The following SLC45A4 variants were observed in gnomAD, a reference collection of about 807,000 sequenced individuals.
SLC45A4 encodes the protein polyamine-transporter SLC45A4.
In SLC45A4, 32 loss-of-function variants were observed where a neutral mutation model predicts 63.7. That is an observed-to-expected ratio of 0.50 (90% CI 0.38 to 0.67). SLC45A4 has a LOEUF of 0.67. SLC45A4 is among the 30% of genes least tolerant of loss of function. The probability of loss-of-function intolerance (pLI) is 0.00; values close to 1 mark genes in which losing one functional copy is unlikely to be tolerated. For missense variants in SLC45A4, 1,027 were observed against 1,157.7 expected (o/e 0.89, Z 1.64); for synonymous variants, 535 against 510.0 (o/e 1.05, Z -0.66).
chr8:141,217,864 G>A (rs372101884), intron 5 of SLC45A4, 147 bp downstream of exon 5: 38 of 1,007,250 alleles, frequency 3.8e-5, no homozygotes, highest in Non-Finnish European at 5.2e-5. Context: ...TGCCTGCCGC[G>A]GGTCCCTCAC....
chr8:141,292,455 G>C (rs1161916876), intron 1 of SLC45A4, among the ~76,000 whole-genome samples: 1 of 152,246 alleles, frequency 6.6e-6, no homozygotes, highest in African/African-American at 2.4e-5. Flanking sequence ...CCCCGCACGC[G>C]CCCAGGGCGG....
intron 2 of SLC45A4, among the ~76,000 whole-genome samples, chr8:141,252,993 A>G (rs36163007): frequency 0.049 from 3,964 of 81,586 alleles, 176 homozygotes; most frequent in Admixed American, 0.17. Flanking sequence ...GTGTTTTCAC[A>G]CCCACCTGTG....
chr8:141,286,311 AC>A (rs1170638060), intron 1 of SLC45A4, among the ~76,000 whole-genome samples: 1 of 151,994 alleles, frequency 6.6e-6, no homozygotes, highest in African/African-American at 2.4e-5. Flanking sequence ...AAAGGCCTCC[AC>A]CCTCACCACC....
chr8:141,229,519 G>T lies in SLC45A4; in HGVS notation c.242-7754C>A, dbSNP rs1007393226. 2.0e-5 allele frequency among the ~76,000 whole-genome samples: 3 copies of T among 152,146 alleles called. No individual in the cohort carries two copies. Among genetic ancestry groups the T allele is most frequent in the African/African-American group, 7.2e-5 (3 of 41,422 alleles). The stretch of plus-strand genomic sequence containing the variant: ...GTAGGGGCAGCTCCCCTGGTGTCCA[G>T]GCACTCCCTTGTCAAGGCCACAAGC... On this transcript the variant is annotated intron_variant, in intron 2 of 8. Coordinates refer to ENST00000517878, the MANE Select transcript of SLC45A4 (RefSeq NM_001286646.2). This position sits in a 1 kb window ranked among gnomAD's most constrained non-coding sequence, Gnocchi z 5.0.
intron 2 of SLC45A4, among the ~76,000 whole-genome samples, chr8:141,240,756 A>C (rs560710298): frequency 6.6e-6 from 1 of 152,308 alleles, no homozygotes; most frequent in South Asian, 2.1e-4. Context: ...ACAAATAAAT[A>C]AGTAAAATGA....
At position 141,258,620 on chromosome 8, in the gene SLC45A4, C is replaced by T. The variant is rs182017577; in HGVS notation, c.-400-3991G>A. On this transcript the variant is annotated intron_variant, in intron 1 of 8. Transcript: ENST00000517878. ...TTTTCAAAGACAGCATGGTGGTGCA[C>T]ACCTGTGATCCCAGCTACTCCAGAG... Among the ~76,000 whole-genome samples, 10 of 152,316 alleles carry T rather than the reference C, an allele frequency of 6.6e-5. No homozygotes were observed. In the East Asian group the frequency reaches 1.5e-3, roughly 23 times the overall value.
At chr8:141,223,268 T>C (rs1398267212) in intron 2 of SLC45A4, among the ~76,000 whole-genome samples, 2 of 152,214 alleles carry the variant, frequency 1.3e-5, no homozygotes, top group Non-Finnish European at 2.9e-5. Flanking sequence ...CAGAAAGGAC[T>C]GATGTTTCAG....
intron 1 of SLC45A4, among the ~76,000 whole-genome samples, chr8:141,274,620 C>T (rs1044021148): frequency 2.6e-5 from 4 of 151,374 alleles, no homozygotes; most frequent in Non-Finnish European, 5.9e-5. Context: ...TTTATTCCTA[C>T]TTTCTAAGAC....
In SLC45A4 at chr8:141,212,142, G is replaced by GGCCC; in HGVS notation, c.2301+54_2301+55insGGGC. Reference sequence around the variant, plus strand: ...CGCCCATGGCCTGGCCCCGCCGCCCGCCCGCCCGCCCACCCGCCCACTGGA... The same window carrying GGCCC: ...CGCCCATGGCCTGGCCCCGCCGCCCGGCCCCCCGCCCGCCCACCCGCCCACTGGA... On this transcript the variant is annotated intron_variant, in intron 8 of 8. Transcript: ENST00000517878. 7 of 491,698 alleles carry GGCCC rather than the reference G, an allele frequency of 1.4e-5. 2 individuals carry two copies. The highest frequency in any genetic ancestry group is 4.1e-4 in the Admixed American group (2 of 4,828). 30.5% of individuals were successfully genotyped at this position (491,698 alleles called of 1,614,324 possible).
chr8:141,221,765 C>A lies in SLC45A4; in HGVS notation c.242G>T (p.Gly81Val). ...ALVTPILLQIGLPEQYYSLTW... is the reference protein window; with the variant it reads ...ALVTPILLQIVLPEQYYSLTW... Reference sequence around the variant, plus strand: ...GAGGCTGTAGTACTGCTCCGGAAGGCCTGCAAGGGACACGAGGGCCGTCGC... The same window carrying A: ...GAGGCTGTAGTACTGCTCCGGAAGGACTGCAAGGGACACGAGGGCCGTCGC... The change falls in exon 3 of 9, where the codon GGC becomes GTC. Residue 81 changes from glycine to valine, a missense_variant and splice_region_variant. Coordinates refer to ENST00000517878, the MANE Select transcript of SLC45A4 (RefSeq NM_001286646.2). 6.2e-7 allele frequency: 1 copy of A among 1,612,010 alleles called. No homozygotes were observed. The highest frequency in any genetic ancestry group is 1.3e-5 in the African/African-American group (1 of 75,004).
Position 141,211,525 on chromosome 8 carries a change from G to A in SLC45A4, c.*47C>T. On this transcript the variant is annotated 3_prime_UTR_variant, in exon 9 of 9. Transcript: ENST00000517878. ...GCTGCCCAAGGACAGGGCTGCCCTG[G>A]GCACAATGTGTCCAACTCGCTGAGG... The A allele has an allele frequency of 6.2e-7, 1 of 1,612,796 alleles. No homozygotes were observed. The highest frequency in any genetic ancestry group is 8.5e-7 in the Non-Finnish European group (1 of 1,179,766).
intron 1 of SLC45A4, among the ~76,000 whole-genome samples, chr8:141,274,489 G>A (rs571207437): frequency 5.3e-4 from 74 of 140,028 alleles, no homozygotes; most frequent in Non-Finnish European, 9.6e-4. Flanking sequence ...AGCCGCGATC[G>A]CACCATTGCA....
rs749997954 is a variant in SLC45A4 at position 141,218,642 on chromosome 8, G to A, written c.998C>T (p.Ser333Phe). ...ELLFLHDIEP[S>F]IFHDASYPAT... ...GGGGTAGGAGGCGTCGTGGAAGATG[G>A]AGGGCTCGATGTCGTGCAGGAACAG... Residue 333 changes from serine (S) to phenylalanine (F), a missense_variant, in exon 5 of 9, where the codon TCC becomes TTC. Coordinates refer to ENST00000517878, the MANE Select transcript of SLC45A4 (RefSeq NM_001286646.2). 1.9e-6 allele frequency: 3 copies of A among 1,613,424 alleles called. No homozygotes were observed. In the South Asian group the frequency reaches 3.3e-5, roughly 18 times the overall value.
intron 2 of SLC45A4, among the ~76,000 whole-genome samples, chr8:141,242,439 G>C (rs1254574888): frequency 6.6e-6 from 1 of 152,182 alleles, no homozygotes; most frequent in African/African-American, 2.4e-5. Flanking sequence ...TTCCCACAGA[G>C]GATGTTTAGA....
rs747861675 is a variant in SLC45A4, at chr8:141,219,077, AG to A, written c.611-49del. 5.7e-5 allele frequency: 90 copies of A among 1,572,704 alleles called. 1 individual carries two copies. The highest frequency in any genetic ancestry group is 1.6e-4 in the East Asian group (7 of 44,446). ...CGGTGAGCCGGTGGCACCAGGCCAC[AG>A]GGGGGGAAGCTCTGGGAGGGCCTCT... is the stretch of plus-strand genomic sequence containing the variant. On this transcript the variant is annotated intron_variant, in intron 4 of 8. Transcript: ENST00000517878.
chr8:141,250,846 T>C (rs775562380), intron 2 of SLC45A4, among the ~76,000 whole-genome samples: 35 of 152,224 alleles, frequency 2.3e-4, no homozygotes, highest in Non-Finnish European at 1.5e-4. Context: ...CCTCCTAAAT[T>C]ATCTAAAATC....
rs1035964637 is a variant in SLC45A4, at chr8:141,254,429, C to T, written c.-200G>A. The stretch of plus-strand genomic sequence containing the variant: ...GTATGAGACATGCAGCAACACAGAA[C>T]GATTTTTGGTTGGATTTTAAACATA... On this transcript the variant is annotated 5_prime_UTR_variant, in exon 2 of 9. Transcript: ENST00000517878. This position sits in a 1 kb window ranked among gnomAD's most constrained non-coding sequence, Gnocchi z 4.5. 10 of 670,216 alleles carry T rather than the reference C, an allele frequency of 1.5e-5. No homozygotes were observed. Among genetic ancestry groups the T allele is most frequent in the Admixed American group, 7.3e-5 (3 of 41,148 alleles). 41.5% of individuals were successfully genotyped at this position (670,216 alleles called of 1,614,324 possible).
At chr8:141,290,347 G>T (rs2154615268) in intron 1 of SLC45A4, among the ~76,000 whole-genome samples, 1 of 151,828 alleles carries the variant, frequency 6.6e-6, no homozygotes, top group South Asian at 2.1e-4. Context: ...TCCCACTCAG[G>T]CTGGGCTCAG....
intron 2 of SLC45A4, among the ~76,000 whole-genome samples, chr8:141,223,121 G>A (rs1826755631): frequency 6.6e-6 from 1 of 152,186 alleles, no homozygotes; most frequent in African/African-American, 2.4e-5. Context: ...GAGGAGGAGG[G>A]AAGCACCTTT....
Sources: allele counts gnomAD v4.1 joint callset (sites outside exome capture counted in the v4.1 genomes callset), GRCh38; gene constraint gnomAD v4.1.1; non-coding constraint Gnocchi (gnomAD v3.1); transcripts MANE v1.5; gene names NCBI Gene and HGNC (gene_info 2026-07-23, HGNC 2026-07-21).